The following ZNF385D variants were observed in gnomAD, a reference collection of about 807,000 sequenced individuals.
ZNF385D encodes zinc finger protein 659.
Under a neutral mutation model 35.8 loss-of-function variants are expected in ZNF385D, and 15 were observed. The ratio of observed to expected loss-of-function variants is 0.42; its 90% CI spans 0.28 to 0.64. The LOEUF is 0.64. Ranked by LOEUF, ZNF385D falls within the 30% of genes least tolerant of loss-of-function variation. The pLI is 0.23. For missense variants in ZNF385D, 474 were observed against 494.6 expected (o/e 0.96, Z 0.39); for synonymous variants, 212 against 186.8 (o/e 1.13, Z -1.10).
At chr3:22,151,204 G>C (rs537981654) in intron 3 of ZNF385D, among the ~76,000 whole-genome samples, 4 of 152,226 alleles carry the variant, frequency 2.6e-5, no homozygotes, top group African/African-American at 9.6e-5. Flanking sequence ...GTGCATTGGG[G>C]CTGGGGAAGG....
At chr3:21,536,600 T>C (rs1425956716) in intron 3 of ZNF385D, among the ~76,000 whole-genome samples, 1 of 152,098 alleles carries the variant, frequency 6.6e-6, no homozygotes, top group Non-Finnish European at 1.5e-5. Context: ...TTAAGCACTA[T>C]ATATGAAGCA....
intron 3 of ZNF385D, among the ~76,000 whole-genome samples, chr3:21,824,150 C>T (rs1451539834): frequency 6.6e-6 from 1 of 152,110 alleles, no homozygotes. Context: ...TGACTTCTTT[C>T]AAAATTCATT....
chr3:22,256,260 C>A (rs891512979), intron 2 of ZNF385D, among the ~76,000 whole-genome samples: 1 of 147,334 alleles, frequency 6.8e-6, no homozygotes, highest in Non-Finnish European at 1.5e-5. Context: ...TATATATATT[C>A]CCTTAGTTTT....
chr3:22,328,972 G>A (rs1400625188), intron 2 of ZNF385D, among the ~76,000 whole-genome samples: 1 of 151,328 alleles, frequency 6.6e-6, no homozygotes, highest in Admixed American at 6.6e-5. Flanking sequence ...ACCTACTTGG[G>A]AGGCTGAGGC....
At chr3:21,492,776 A>AAAATAAATAAATAAATAAAT (rs60627008) in intron 4 of ZNF385D, among the ~76,000 whole-genome samples, 321 of 141,024 alleles carry the variant, frequency 2.3e-3, no homozygotes, top group African/African-American at 7.4e-3. Context: ...CTCTGTTTCA[A>AAAATAAATAAATAAATAAAT]AAATAAATAA....
intron 2 of ZNF385D, among the ~76,000 whole-genome samples, chr3:22,331,378 T>C (rs1694928945): frequency 6.6e-6 from 1 of 152,154 alleles, no homozygotes; most frequent in Admixed American, 6.5e-5. Flanking sequence ...AAATAAATTA[T>C]AGAAACTCTA....
rs1340399009 is a variant in ZNF385D, at chr3:21,412,716, T to C, written c.*8498A>G. Reference sequence around the variant, plus strand: ...CTTTCATCCATAAAAATATCACTGGTGTCTTTCTTTTACTAAAACTGAAAA... The same window carrying C: ...CTTTCATCCATAAAAATATCACTGGCGTCTTTCTTTTACTAAAACTGAAAA... On this transcript the variant is annotated 3_prime_UTR_variant, in exon 8 of 8. Transcript: ENST00000281523. The C allele has an allele frequency of 7.3e-6, 1 of 137,896 alleles. No individual in the cohort carries two copies. The highest frequency in any genetic ancestry group is 2.0e-4 in the East Asian group (1 of 5,080). The allele number at this position is 137,896 out of a possible 1,614,324, so 8.5% of individuals were successfully genotyped here. A position where few individuals can be genotyped will look rare whatever the true frequency, so the allele number is the denominator to read the frequency against.
intron 2 of ZNF385D, among the ~76,000 whole-genome samples, chr3:22,185,391 A>C (rs537061406): frequency 6.6e-5 from 10 of 152,324 alleles, no homozygotes; most frequent in African/African-American, 1.9e-4. Flanking sequence ...TTTTATGCGC[A>C]AAAACCATGG....
chr3:21,536,905 G>T (rs1334624488), intron 3 of ZNF385D, among the ~76,000 whole-genome samples: 6 of 151,868 alleles, frequency 4.0e-5, no homozygotes. Flanking sequence ...AGAGAGAAGA[G>T]TCACTGCAAA....
chr3:22,005,049 T>A (rs1696107758), intron 3 of ZNF385D, among the ~76,000 whole-genome samples: 1 of 61,278 alleles, frequency 1.6e-5, no homozygotes, highest in Non-Finnish European at 2.8e-5. Flanking sequence ...CTCAAACCAC[T>A]CAGCAGCAAA....
At chr3:21,704,389 C>T (rs2067819766) in intron 1 of ZNF385D, among the ~76,000 whole-genome samples, 1 of 152,078 alleles carries the variant, frequency 6.6e-6, no homozygotes, top group Admixed American at 6.5e-5. Flanking sequence ...GCACACATTC[C>T]TGTAGTCACT....
At chr3:21,776,833 C>T (rs1011570215) in intron 3 of ZNF385D, among the ~76,000 whole-genome samples, 2 of 151,938 alleles carry the variant, frequency 1.3e-5, no homozygotes, top group African/African-American at 4.8e-5. Context: ...GGCACATTTG[C>T]TATTCCTGTG....
At chr3:21,602,046 G>C (rs549681289) in intron 2 of ZNF385D, among the ~76,000 whole-genome samples, 1 of 152,334 alleles carries the variant, frequency 6.6e-6, no homozygotes, top group East Asian at 1.9e-4. Flanking sequence ...CACATGGCTA[G>C]GGAGGCCTCA....
chr3:22,279,910 A>G (rs1448606144), intron 2 of ZNF385D, among the ~76,000 whole-genome samples: 2 of 152,010 alleles, frequency 1.3e-5, no homozygotes, highest in South Asian at 4.1e-4. Context: ...CCAACGTGTA[A>G]AAGTGTTCCT....
At chr3:22,035,176 A>G (rs1038062524) in intron 3 of ZNF385D, among the ~76,000 whole-genome samples, 4 of 152,198 alleles carry the variant, frequency 2.6e-5, no homozygotes, top group Non-Finnish European at 4.4e-5. Context: ...CACTTGTATC[A>G]TTTAGTTTGA....
intron 3 of ZNF385D, among the ~76,000 whole-genome samples, chr3:22,021,203 A>G (rs937031295): frequency 1.3e-5 from 2 of 151,936 alleles, no homozygotes; most frequent in Non-Finnish European, 2.9e-5. Context: ...TTGCCACTAC[A>G]CAATCGATAC....
chr3:21,782,855 G>A (rs1042030144), intron 3 of ZNF385D, among the ~76,000 whole-genome samples: 6 of 152,070 alleles, frequency 3.9e-5, no homozygotes, highest in Admixed American at 1.3e-4. Flanking sequence ...GAGGATGAGC[G>A]GGGAGGAAGA....
chr3:21,933,457 T>C (rs1019765964), intron 3 of ZNF385D, among the ~76,000 whole-genome samples: 4 of 152,212 alleles, frequency 2.6e-5, no homozygotes, highest in African/African-American at 9.7e-5. Context: ...AAGATACTAA[T>C]ACACAGAATT....
intron 3 of ZNF385D, among the ~76,000 whole-genome samples, chr3:21,873,490 A>G (rs756622127): frequency 1.3e-5 from 2 of 152,106 alleles, no homozygotes; most frequent in Admixed American, 6.6e-5. Context: ...TGTGGTAAAA[A>G]CACATAACTT....
Sources: allele counts gnomAD v4.1 joint callset (sites outside exome capture counted in the v4.1 genomes callset), GRCh38; gene constraint gnomAD v4.1.1; transcripts MANE v1.5; gene names NCBI Gene and HGNC (gene_info 2026-07-23, HGNC 2026-07-21).